PLCZ1: variants seen among roughly 807,000 people sequenced by gnomAD.
PLCZ1 encodes the protein 1-phosphatidylinositol 4,5-bisphosphate phosphodiesterase zeta-1.
Under a neutral mutation model 76.8 loss-of-function variants are expected in PLCZ1, and 64 were observed. That is an observed-to-expected ratio of 0.83 (90% CI 0.68 to 1.03). The LOEUF (loss-of-function observed/expected upper bound fraction) is 1.03, where lower values mean the gene tolerates loss of function less well. PLCZ1 is among the 50% of genes least tolerant of loss of function. PLCZ1 has a pLI of 0.00. For missense variants in PLCZ1, 751 were observed against 713.7 expected (o/e 1.05, Z -0.60); for synonymous variants, 248 against 230.8 (o/e 1.07, Z -0.68).
intron 12 of PLCZ1, chr12:18,693,679 T>C: frequency 6.4e-7 from 1 of 1,566,152 alleles, no homozygotes; most frequent in Non-Finnish European, 8.8e-7. Context: ...ATTCTGGTGG[T>C]GAGAGAGAAA....
chr12:18,693,842 C>A, intron 12 of PLCZ1: 3 of 1,531,194 alleles, frequency 2.0e-6, no homozygotes, highest in Admixed American at 1.7e-5. Flanking sequence ...GTTCCCCCTG[C>A]CTGATGAAAA....
chr12:18,709,572 T>C (rs575073306), intron 6 of PLCZ1, among the ~76,000 whole-genome samples: 1 of 152,054 alleles, frequency 6.6e-6, no homozygotes, highest in South Asian at 2.1e-4. Flanking sequence ...GGAATTTTGA[T>C]AAGAATTGCA....
chr12:18,702,489 A>G (rs902837976), intron 7 of PLCZ1, among the ~76,000 whole-genome samples: 1 of 152,140 alleles, frequency 6.6e-6, no homozygotes, highest in East Asian at 1.9e-4. Flanking sequence ...TGGGTTATAA[A>G]GTAAAGTTCT....
chr12:18,698,894 T>A (rs1003456582), intron 10 of PLCZ1, among the ~76,000 whole-genome samples: 1 of 152,150 alleles, frequency 6.6e-6, no homozygotes, highest in African/African-American at 2.4e-5. Context: ...TAGTTTTGTA[T>A]CCATTATTGT....
At chr12:18,692,569 A>G (rs1352305178) in intron 12 of PLCZ1, among the ~76,000 whole-genome samples, 1 of 152,182 alleles carries the variant, frequency 6.6e-6, no homozygotes, top group Non-Finnish European at 1.5e-5. Context: ...GTCTGGAGGA[A>G]AGGTGCTAGG....
At chr12:18,708,135 C>A (rs2137357013) in intron 6 of PLCZ1, among the ~76,000 whole-genome samples, 1 of 152,282 alleles carries the variant, frequency 6.6e-6, no homozygotes, top group African/African-American at 2.4e-5. Context: ...ATATGTGCTA[C>A]TTTGTAGCCT....
chr12:18,659,701 T>C, the PLCZ1 span, among the ~76,000 whole-genome samples: 1 of 142,306 alleles, frequency 7.0e-6, no homozygotes, highest in South Asian at 2.2e-4. Flanking sequence ...TACTTTAAGT[T>C]TTAGGGCACA....
At chr12:18,705,022 G>T (rs1592145410) in intron 7 of PLCZ1, 144 bp downstream of exon 7, 1 of 937,660 alleles carries the variant, frequency 1.1e-6, no homozygotes, top group Non-Finnish European at 1.7e-6. Flanking sequence ...CATTCCCTAG[G>T]CAACATTGCA....
the PLCZ1 span, among the ~76,000 whole-genome samples, chr12:18,673,678 G>A: frequency 6.6e-6 from 1 of 152,170 alleles, no homozygotes; most frequent in Admixed American, 6.6e-5. Flanking sequence ...CAGCTACTGG[G>A]CCCTCTGATT....
At chr12:18,656,743 GCAACAACAACGA>G in the PLCZ1 span, among the ~76,000 whole-genome samples, 5 of 63,726 alleles carry the variant, frequency 7.8e-5, no homozygotes, top group African/African-American at 2.8e-4. Flanking sequence ...TCAAACAACA[GCAACAACAACGA>G]CAACAACAAC....
chr12:18,692,933 G>A, intron 12 of PLCZ1: 1 of 1,548,572 alleles, frequency 6.5e-7, no homozygotes, highest in South Asian at 1.1e-5. Flanking sequence ...TGCCACTGGT[G>A]ACACCTCACA....
At position 18,695,010 on chromosome 12, in the gene PLCZ1, C is replaced by T. The variant is rs1360900704; in HGVS notation, c.1361G>A (p.Gly454Asp). 7.4e-6 allele frequency: 12 copies of T among 1,612,080 alleles called. No homozygotes were observed. The South Asian group carries it at 7.7e-5, about 10-fold the overall frequency. The change falls in exon 12 of 15, where the codon GGT becomes GAT. Residue 454 changes from glycine (G) to aspartate (D), a missense_variant. Transcript: ENST00000266505. ...LQNGKFLDNG[G>D]SGYILKPHFL... The stretch of plus-strand genomic sequence containing the variant: ...ATGTGGTTTCAAAATATATCCAGAA[C>T]CACCATTATCCAAAAATTTCCCATT...
intron 7 of PLCZ1, among the ~76,000 whole-genome samples, chr12:18,703,481 T>C (rs912045101): frequency 6.6e-6 from 1 of 152,232 alleles, no homozygotes; most frequent in African/African-American, 2.4e-5. Context: ...TGCATGACCA[T>C]TGCTTTCTGA....
rs765977034 is a variant in PLCZ1, at chr12:18,701,587, C to G, written c.950-19G>C. On this transcript the variant is annotated intron_variant, in intron 8 of 14. Transcript: ENST00000266505. ...TTGTCTCCTAAAACAGATTCCAATA[C>G]TTCTGATTCTTTGAATTTATCCTCC... 1.2e-6 allele frequency: 2 copies of G among 1,612,236 alleles called. No homozygotes were observed. Among genetic ancestry groups the G allele is most frequent in the African/African-American group, 1.3e-5 (1 of 74,526 alleles).
intron 12 of PLCZ1, among the ~76,000 whole-genome samples, chr12:18,691,102 A>G (rs926788790): frequency 5.3e-5 from 8 of 152,152 alleles, no homozygotes; most frequent in African/African-American, 1.9e-4. Context: ...GCAGCAAAAT[A>G]GGTCAGATCA....
intron 3 of PLCZ1, among the ~76,000 whole-genome samples, chr12:18,725,934 G>A (rs888161666): frequency 5.3e-5 from 8 of 151,992 alleles, no homozygotes; most frequent in African/African-American, 1.9e-4. Context: ...GTTCTTAGAA[G>A]ACTCCACTTT....
At chr12:18,696,111 G>T in intron 11 of PLCZ1, 39 bp downstream of exon 11, 3 of 1,071,200 alleles carry the variant, frequency 2.8e-6, no homozygotes, top group Non-Finnish European at 2.8e-6. Flanking sequence ...TTCATTTTAT[G>T]TTACTTCTGC....
At chr12:18,697,922 T>G (rs1955308652) in intron 10 of PLCZ1, among the ~76,000 whole-genome samples, 1 of 152,124 alleles carries the variant, frequency 6.6e-6, no homozygotes, top group Non-Finnish European at 1.5e-5. Flanking sequence ...CTATGCCCCT[T>G]CAAAGAAATG....
chr12:18,673,444 G>A, the PLCZ1 span, among the ~76,000 whole-genome samples: 2 of 151,892 alleles, frequency 1.3e-5, no homozygotes, highest in African/African-American at 2.4e-5. Flanking sequence ...ATCCATTATG[G>A]AATTCTAAAA....
Sources: allele counts gnomAD v4.1 joint callset (sites outside exome capture counted in the v4.1 genomes callset), GRCh38; gene constraint gnomAD v4.1.1; transcripts MANE v1.5; gene names NCBI Gene and HGNC (gene_info 2026-07-23, HGNC 2026-07-21).